Variants in TLE1 observed in about 807,000 individuals in gnomAD.
The protein encoded by TLE1 is TLE family member 1, transcriptional corepressor, also known as transducin-like enhancer protein 1.
Under a neutral mutation model 89.8 loss-of-function variants are expected in TLE1, and 21 were observed. The ratio of observed to expected loss-of-function variants is 0.23; its 90% CI spans 0.17 to 0.34. The LOEUF (loss-of-function observed/expected upper bound fraction) is 0.34. Among genes scored for constraint, TLE1 ranks in the 10% least tolerant of loss-of-function variants. TLE1 has a pLI of 1.00. For synonymous variants in TLE1, 447 were observed against 407.6 expected (o/e 1.10, Z -1.16); for missense variants, 795 against 1,031.2 (o/e 0.77, Z 3.14).
chr9:81,612,934 T>C (rs1823903574), intron 12 of TLE1, among the ~76,000 whole-genome samples: 1 of 152,198 alleles, frequency 6.6e-6, no homozygotes, highest in African/African-American at 2.4e-5. Flanking sequence ...GGCAGGCGCC[T>C]GTAATCCCAG....
chr9:81,670,713 A>AG (rs1469105307), intron 4 of TLE1, among the ~76,000 whole-genome samples: 1 of 38,278 alleles, frequency 2.6e-5, no homozygotes. Context: ...GAAGCTAATC[A>AG]GAAAAAAAAA....
chr9:81,590,643 A>G (rs1349982961), intron 16 of TLE1, among the ~76,000 whole-genome samples, 162 bp downstream of exon 16: 1 of 152,234 alleles, frequency 6.6e-6, no homozygotes, highest in Admixed American at 6.5e-5. Flanking sequence ...AAGCCCCCCA[A>G]AGGCAGCAAC....
intron 4 of TLE1, among the ~76,000 whole-genome samples, chr9:81,673,655 A>C (rs1301188180): frequency 1.3e-5 from 2 of 152,136 alleles, no homozygotes; most frequent in Non-Finnish European, 2.9e-5. Context: ...CTCTTTTTCA[A>C]GGTGGAATAA....
intron 4 of TLE1, among the ~76,000 whole-genome samples, chr9:81,678,715 T>C (rs1833214638): frequency 6.6e-6 from 1 of 152,126 alleles, no homozygotes; most frequent in African/African-American, 2.4e-5. Flanking sequence ...CTTGGAAGGC[T>C]GAGGCAGGGG....
At chr9:81,649,090 A>G (rs1829226777) in intron 6 of TLE1, among the ~76,000 whole-genome samples, 2 of 152,222 alleles carry the variant, frequency 1.3e-5, no homozygotes, top group Admixed American at 1.3e-4. Flanking sequence ...GCCAGTCATC[A>G]AATTTGCTGT....
intron 6 of TLE1, among the ~76,000 whole-genome samples, chr9:81,642,247 C>T (rs1828222754): frequency 6.6e-6 from 1 of 152,152 alleles, no homozygotes; most frequent in African/African-American, 2.4e-5. Flanking sequence ...TATCCCTTTT[C>T]TGAAGTGCTT....
At chr9:81,635,063 T>A (rs1028379102) in intron 6 of TLE1, among the ~76,000 whole-genome samples, 1 of 152,060 alleles carries the variant, frequency 6.6e-6, no homozygotes, top group African/African-American at 2.4e-5. Flanking sequence ...TTGCTGAAAC[T>A]CTATCCCTAG....
At chr9:81,688,071 AAG>A in intron 1 of TLE1, 144 bp downstream of exon 1, 1 of 977,136 alleles carries the variant, frequency 1.0e-6, no homozygotes, top group Middle Eastern at 2.1e-4. Flanking sequence ...CCACCCCAGG[AAG>A]AGAGGGCCCC....
At chr9:81,595,447 G>A (rs1363367896) in intron 14 of TLE1, among the ~76,000 whole-genome samples, 2 of 152,144 alleles carry the variant, frequency 1.3e-5, no homozygotes, top group African/African-American at 4.8e-5. Context: ...TCAGAATCAG[G>A]CTCCATACTC....
At chr9:81,623,231 G>C (rs10867782) in intron 8 of TLE1, among the ~76,000 whole-genome samples, 8 of 151,688 alleles carry the variant, frequency 5.3e-5, no homozygotes, top group Admixed American at 1.3e-4. Flanking sequence ...ATTTCTCCTC[G>C]TGCACTCCCT....
Position 81,650,636 on chromosome 9 carries a change from T to C in TLE1, c.372+1578A>G, listed in dbSNP as rs888145431. On this transcript the variant is annotated intron_variant, in intron 6 of 19. Coordinates refer to ENST00000376499, the MANE Select transcript of TLE1 (RefSeq NM_005077.5). The stretch of plus-strand genomic sequence containing the variant: ...AAGGGTACAGAAGGCAGCAGACAAA[T>C]GCAGATGTAATTGTGTTTTTTGTTG... Among the ~76,000 whole-genome samples the C allele has an allele frequency of 2.6e-5, 4 of 152,064 alleles. 1 individual carries two copies. Among genetic ancestry groups the C allele is most frequent in the African/African-American group, 9.7e-5 (4 of 41,392 alleles).
At chr9:81,610,431 CTTTTT>C in intron 13 of TLE1, 135 bp from the exon 14 acceptor site, 1 of 680,836 alleles carries the variant, frequency 1.5e-6, no homozygotes, top group South Asian at 1.9e-5. Flanking sequence ...TAGTGTTTTT[CTTTTT>C]AATTACTATG....
intron 6 of TLE1, among the ~76,000 whole-genome samples, chr9:81,637,892 C>A (rs3814533): frequency 6.6e-6 from 1 of 152,028 alleles, no homozygotes; most frequent in Non-Finnish European, 1.5e-5. Context: ...ATTTCACAGA[C>A]GATACTGGCT....
At position 81,671,644 on chromosome 9, in the gene TLE1, CA is replaced by C. The variant is rs1313960980; in HGVS notation, c.234+14031del. On this transcript the variant is annotated intron_variant, in intron 4 of 19. Coordinates refer to ENST00000376499, the MANE Select transcript of TLE1 (RefSeq NM_005077.5). Reference sequence around the variant, plus strand: ...TGGGCGACAGAGTGAGACTCCGTCTCAAAAAAAAAAAAGAAAAAAAATCTAT... The same window carrying C: ...TGGGCGACAGAGTGAGACTCCGTCTCAAAAAAAAAAAGAAAAAAAATCTAT... Among the ~76,000 whole-genome samples the C allele has an allele frequency of 6.9e-3, 858 of 125,124 alleles. 6 individuals are homozygous for C. The highest frequency in any genetic ancestry group is 0.02 in the African/African-American group (689 of 33,910). 82.1% of individuals were successfully genotyped at this position (125,124 alleles called of 152,430 possible).
At chr9:81,670,798 A>G (rs1832122769) in intron 4 of TLE1, among the ~76,000 whole-genome samples, 2 of 152,022 alleles carry the variant, frequency 1.3e-5, no homozygotes, top group Non-Finnish European at 2.9e-5. Context: ...CAATGGCTGC[A>G]TAAGATCAGT....
chr9:81,611,056 T>C (rs1587954827), intron 13 of TLE1, among the ~76,000 whole-genome samples: 1 of 152,156 alleles, frequency 6.6e-6, no homozygotes, highest in East Asian at 1.9e-4. Flanking sequence ...GAGAGAAAGG[T>C]AGAGGACATT....
At chr9:81,616,169 G>A (rs1824485907) in intron 10 of TLE1, 35 bp from the exon 11 acceptor site, 2 of 1,578,172 alleles carry the variant, frequency 1.3e-6, no homozygotes, top group African/African-American at 2.7e-5. Flanking sequence ...TCGTGATTTA[G>A]CTTGTAACAG....
intron 4 of TLE1, among the ~76,000 whole-genome samples, chr9:81,671,389 G>A (rs1832203416): frequency 6.6e-6 from 1 of 151,976 alleles, no homozygotes; most frequent in Non-Finnish European, 1.5e-5. Flanking sequence ...GCTCATACCT[G>A]TAATCCTAGC....
intron 8 of TLE1, among the ~76,000 whole-genome samples, chr9:81,632,394 A>T (rs1472510262): frequency 6.6e-6 from 1 of 151,654 alleles, no homozygotes; most frequent in Non-Finnish European, 1.5e-5. Context: ...TACACAGAAG[A>T]GGGGGGAAAA....
Sources: gnomAD v4.1 joint callset for allele counts (sites outside exome capture counted in the v4.1 genomes callset) on GRCh38, gnomAD v4.1.1 for gene constraint, MANE v1.5 for transcripts, NCBI Gene and HGNC (gene_info 2026-07-23, HGNC 2026-07-21) for gene names.